Variants in CD86 observed in about 807,000 individuals in gnomAD.
The protein encoded by CD86 is T-lymphocyte activation antigen CD86.
In CD86, 11 loss-of-function variants were observed where a neutral mutation model predicts 32.1. That is an observed-to-expected ratio of 0.34 (90% CI 0.22 to 0.57). The LOEUF is 0.57. Ranked by LOEUF, CD86 falls within the 20% of genes least tolerant of loss-of-function variation. The pLI, the probability that CD86 is intolerant of heterozygous loss-of-function variation, is 0.86. For synonymous variants in CD86, 137 were observed against 135.3 expected (o/e 1.01, Z -0.09); for missense variants, 359 against 398.4 (o/e 0.90, Z 0.84).
rs36226553 is a variant in CD86 at position 122,077,172 on chromosome 3, G to C, written c.15-14429G>C. On this transcript the variant is annotated intron_variant, in intron 1 of 6. Coordinates refer to ENST00000330540, the MANE Select transcript of CD86 (RefSeq NM_175862.5). ...CCCACACTGAGCAGAGGACTTTGCA[G>C]TGCCTGATCAGGGCAGAAAAAGGAG... 2.6e-5 allele frequency among the ~76,000 whole-genome samples: 4 copies of C among 152,212 alleles called. No homozygotes were observed. In the South Asian group the frequency reaches 8.3e-4, roughly 32 times the overall value.
chr3:122,091,905 T>C, intron 2 of CD86: 1 of 474,542 alleles, frequency 2.1e-6, no homozygotes, highest in Non-Finnish European at 3.8e-6. Context: ...TCAGTGAGCC[T>C]AGATGCTCAG....
intron 1 of CD86, among the ~76,000 whole-genome samples, chr3:122,087,770 G>A (rs141139951): frequency 1.0e-3 from 159 of 152,254 alleles, no homozygotes; most frequent in Middle Eastern, 6.8e-3. Context: ...ATCCTTGACA[G>A]ACTTTGGCAG....
At chr3:122,077,733 C>A in intron 1 of CD86, 1 of 984,106 alleles carries the variant, frequency 1.0e-6, no homozygotes, top group Non-Finnish European at 1.2e-6. Flanking sequence ...ACTCATGCTC[C>A]GAGGGTACGT....
intron 1 of CD86, among the ~76,000 whole-genome samples, chr3:122,064,910 G>A (rs1441678564): frequency 2.0e-5 from 3 of 152,134 alleles, no homozygotes; most frequent in Admixed American, 6.6e-5. Flanking sequence ...TTTAATGTTG[G>A]AAAGATGAAG....
At chr3:122,112,180 G>A (rs2073183894) in intron 5 of CD86, among the ~76,000 whole-genome samples, 3 of 152,154 alleles carry the variant, frequency 2.0e-5, no homozygotes, top group Non-Finnish European at 4.4e-5. Context: ...ACTGAAATCT[G>A]TATACAATGC....
chr3:122,104,608 TAG>T (rs1356707641), intron 3 of CD86, among the ~76,000 whole-genome samples: 1 of 152,232 alleles, frequency 6.6e-6, no homozygotes, highest in Non-Finnish European at 1.5e-5. Context: ...TGTCCCTTCA[TAG>T]AGTCATACCC....
At chr3:122,112,725 A>T (rs1274310359) in intron 5 of CD86, among the ~76,000 whole-genome samples, 4 of 152,160 alleles carry the variant, frequency 2.6e-5, no homozygotes, top group Admixed American at 6.5e-5. Context: ...TTTTTTTGAT[A>T]TGGTGACTAT....
At chr3:122,071,951 C>A (rs904313386) in intron 1 of CD86, among the ~76,000 whole-genome samples, 3 of 142,406 alleles carry the variant, frequency 2.1e-5, no homozygotes, top group Non-Finnish European at 4.5e-5. Flanking sequence ...CATTGTTCAA[C>A]TCCTATCTAT....
At chr3:122,074,039 G>A (rs959241777) in intron 1 of CD86, among the ~76,000 whole-genome samples, 3 of 152,218 alleles carry the variant, frequency 2.0e-5, no homozygotes, top group African/African-American at 7.2e-5. Flanking sequence ...TCCCTAGTCT[G>A]TCCTGGTTGC....
intron 6 of CD86, 93 bp downstream of exon 6, chr3:122,118,186 C>A: frequency 3.0e-6 from 3 of 1,000,038 alleles, no homozygotes; most frequent in Non-Finnish European, 4.7e-6. Context: ...TATGTTGAGA[C>A]CTCAGCAAAC....
At chr3:122,066,421 T>A (rs961495646) in intron 1 of CD86, among the ~76,000 whole-genome samples, 1 of 152,144 alleles carries the variant, frequency 6.6e-6, no homozygotes, top group African/African-American at 2.4e-5. Context: ...AAAGGGACAC[T>A]GACATCTCTC....
chr3:122,108,930 C>T (rs2073131190), intron 4 of CD86, among the ~76,000 whole-genome samples: 1 of 152,176 alleles, frequency 6.6e-6, no homozygotes, highest in Non-Finnish European at 1.5e-5. Flanking sequence ...CAAATGACTG[C>T]ACGTGCAGAG....
At chr3:122,107,581 G>A (rs2073111836) in intron 4 of CD86, among the ~76,000 whole-genome samples, 1 of 152,122 alleles carries the variant, frequency 6.6e-6, no homozygotes, top group African/African-American at 2.4e-5. Context: ...TGGAATAAAG[G>A]TGGTCTGCAT....
At chr3:122,066,713 T>C (rs2072418023) in intron 1 of CD86, among the ~76,000 whole-genome samples, 1 of 152,166 alleles carries the variant, frequency 6.6e-6, no homozygotes, top group African/African-American at 2.4e-5. Flanking sequence ...AATAAATAGA[T>C]ACTTAACTGA....
chr3:122,093,410 G>A (rs968780685), intron 2 of CD86, among the ~76,000 whole-genome samples: 1 of 152,140 alleles, frequency 6.6e-6, no homozygotes, highest in Non-Finnish European at 1.5e-5. Flanking sequence ...ATTATTAGGC[G>A]ATTTTGTCAT....
intron 1 of CD86, among the ~76,000 whole-genome samples, chr3:122,087,434 A>T (rs934565431): frequency 6.6e-6 from 1 of 152,050 alleles, no homozygotes; most frequent in East Asian, 1.9e-4. Context: ...GGGAGTGGGG[A>T]CATTTCTACA....
intron 1 of CD86, among the ~76,000 whole-genome samples, chr3:122,088,739 G>A (rs2072765921): frequency 6.6e-6 from 1 of 152,246 alleles, no homozygotes; most frequent in South Asian, 2.1e-4. Flanking sequence ...GGAATGTAAA[G>A]TGATGTCGCT....
At chr3:122,107,670 G>A (rs2001750) in intron 4 of CD86, among the ~76,000 whole-genome samples, 145,507 of 152,228 alleles carry the variant, frequency 0.96, 69,881 homozygotes, top group East Asian at 1. Context: ...TTCTCCAGCG[G>A]TGATTTCTTG....
intron 1 of CD86, among the ~76,000 whole-genome samples, chr3:122,066,581 A>C (rs2072416182): frequency 1.3e-5 from 2 of 152,164 alleles, no homozygotes; most frequent in South Asian, 4.2e-4. Context: ...CTCACCTATA[A>C]ATTTTTTAAA....
Sources: gnomAD v4.1 joint callset for allele counts (sites outside exome capture counted in the v4.1 genomes callset) on GRCh38, gnomAD v4.1.1 for gene constraint, MANE v1.5 for transcripts, NCBI Gene and HGNC (gene_info 2026-07-23, HGNC 2026-07-21) for gene names.